Variants in IGFN1 observed in about 807,000 individuals in gnomAD.
IGFN1 encodes immunoglobulin like and fibronectin type III domain containing 1, also known as immunoglobulin-like and fibronectin type III domain-containing protein 1.
Under a neutral mutation model 289.5 loss-of-function variants are expected in IGFN1, and 253 were observed. That is an observed-to-expected ratio of 0.87 (90% CI 0.79 to 0.97). The LOEUF is 0.97. Ranked by LOEUF, IGFN1 falls within the 50% of genes least tolerant of loss-of-function variation. IGFN1 has a pLI of 0.00. For missense variants in IGFN1, 4,470 were observed against 4,686.1 expected, an observed-to-expected ratio of 0.95 and a Z score of 1.35; for synonymous variants, 1,706 against 1,788.5, an observed-to-expected ratio of 0.95 and a Z score of 1.16.
At chr1:201,193,327 C>G in intron 2 of IGFN1, 27 bp downstream of exon 2, 1 of 1,528,796 alleles carries the variant, frequency 6.5e-7, no homozygotes, top group African/African-American at 1.4e-5. Context: ...TCTCCCCTCC[C>G]CAGCCCTCCC....
At chr1:201,224,629 T>C (rs905220055) in intron 20 of IGFN1, 50 bp from the exon 21 acceptor site, 2 of 1,542,832 alleles carry the variant, frequency 1.3e-6, no homozygotes, top group Non-Finnish European at 1.8e-6. Context: ...ATCACCTCCA[T>C]GAAACTGCCA....
At position 201,227,496 on chromosome 1, in the gene IGFN1, C is replaced by T. The variant is rs368467007; in HGVS notation, c.11113+288C>T. ...AGGTTGGAGTGCAATGGCATGATCTCGGCTCACTGCAGCCTCCACCTCCTG... is the reference window on the plus strand; with the variant it reads ...AGGTTGGAGTGCAATGGCATGATCTTGGCTCACTGCAGCCTCCACCTCCTG... On this transcript the variant is annotated intron_variant, in intron 23 of 23. Transcript: ENST00000335211. Among the ~76,000 whole-genome samples the T allele has an allele frequency of 4.6e-5, 7 of 151,284 alleles. No individual in the cohort carries two copies. The East Asian group carries it at 7.8e-4, about 17-fold the overall frequency.
rs1376030824 is a variant in IGFN1 at position 201,212,958 on chromosome 1, C to G, written c.8065C>G (p.Pro2689Ala). 1 of 1,551,396 alleles carries G rather than the reference C, an allele frequency of 6.4e-7. No homozygotes were observed. The change falls in exon 12 of 24, where the codon CCA becomes GCA. Residue 2689 changes from proline to alanine, a missense_variant. Pro to Ala is a conservative substitution (Grantham distance 27). Around this residue, in one of 8 missense-constraint regions of IGFN1, gnomAD observed 2,218 missense variants for 2,114.1 expected, o/e 1.05. Transcript: ENST00000335211. ...GQEAAGGCRS[P>A]WSLDSKGSSP... ...AGAGGCGGCTGGTGGATGCCGAAGC[C>G]CATGGTCCCTGGATAGCAAAGGTTC...
intron 1 of IGFN1, 38 bp from the exon 2 acceptor site, chr1:201,193,209 C>T: frequency 1.9e-6 from 2 of 1,031,506 alleles, no homozygotes; most frequent in Middle Eastern, 2.5e-4. Context: ...GTGAGACCAG[C>T]CTGGATTTCT....
At position 201,211,296 on chromosome 1, in the gene IGFN1, G is replaced by C; in HGVS notation, c.6403G>C (p.Gly2135Arg). ...RDGLGSSTEM[G>R]SVNEAGYRKD... ...TGGTTTAGGGAGTTCTACAGAAATG[G>C]GGTCAGTGAATGAGGCAGGTTATAG... The change falls in exon 12 of 24, where the codon GGG (glycine) becomes CGG (arginine). Residue 2135 changes from glycine to arginine, a missense_variant. Around this residue, in one of 8 missense-constraint regions of IGFN1, gnomAD observed 2,218 missense variants for 2,114.1 expected, o/e 1.05. Transcript: ENST00000335211. 1 of 1,530,886 alleles carries C rather than the reference G, an allele frequency of 6.5e-7. No homozygotes were observed. Among genetic ancestry groups the C allele is most frequent in the Non-Finnish European group, 8.7e-7 (1 of 1,143,496 alleles). 94.8% of individuals were successfully genotyped at this position (1,530,886 alleles called of 1,614,324 possible). A position where few individuals can be genotyped will look rare whatever the true frequency, so the allele number is the denominator to read the frequency against.
Position 201,209,765 on chromosome 1 carries a change from A to G in IGFN1, c.4872A>G (p.Leu1624=). The G allele has an allele frequency of 8.0e-7, 1 of 1,253,680 alleles. No homozygotes were observed. The highest frequency in any genetic ancestry group is 1.1e-6 in the Non-Finnish European group (1 of 912,206). 77.7% of individuals were successfully genotyped at this position (1,253,680 alleles called of 1,614,324 possible). The change falls in exon 12 of 24, where the codon TTA becomes TTG. Residue 1624 remains leucine (L), a synonymous_variant. Coordinates refer to ENST00000335211, the MANE Select transcript of IGFN1 (RefSeq NM_001164586.2). ...SGSKAGFRDG[L]GGSEEMGSVN... is the part of the protein sequence containing the mutation. ...GTAAGGCAGGTTTTAGGGATGGTTT[A>G]GGGGGTTCTGAAGAAATGGGGTCAG...
rs1261373273 is a variant in IGFN1, at chr1:201,224,698, T to C, written c.10310T>C (p.Val3437Ala). ...VSFEAMPMPE[V>A]TWLKDGLPLP... Reference sequence around the variant, plus strand: ...TCTCAGGCCATGCCCATGCCTGAGGTGACCTGGCTGAAGGATGGCTTGCCC... The same window carrying C: ...TCTCAGGCCATGCCCATGCCTGAGGCGACCTGGCTGAAGGATGGCTTGCCC... The change falls in exon 21 of 24, where the codon GTG becomes GCG. Residue 3437 changes from valine (V) to alanine (A), a missense_variant. By Grantham distance (64) the Val-to-Ala change is moderately conservative. This residue lies in a region of IGFN1 where 2,218 missense variants were observed against 2,114.1 expected (regional missense o/e 1.05). Transcript: ENST00000335211. The C allele has an allele frequency of 6.2e-7, 1 of 1,614,132 alleles. No individual in the cohort carries two copies. The highest frequency in any genetic ancestry group is 1.7e-5 in the Admixed American group (1 of 60,022).
chr1:201,220,185 TC>T (rs1558158156), intron 18 of IGFN1, among the ~76,000 whole-genome samples: 1 of 1,728 alleles, frequency 5.8e-4, no homozygotes, highest in South Asian at 0.014. Flanking sequence ...CCTTTCTTTC[TC>T]TCTCTCTCTC....
intron 5 of IGFN1, among the ~76,000 whole-genome samples, chr1:201,197,596 A>G (rs988213513): frequency 2.6e-5 from 4 of 152,186 alleles, no homozygotes; most frequent in African/African-American, 9.7e-5. Flanking sequence ...CTAGTCCTAG[A>G]GCTTCTGCTA....
At chr1:201,218,195 AGAT>A (rs1434682743) in intron 17 of IGFN1, among the ~76,000 whole-genome samples, 3 of 152,236 alleles carry the variant, frequency 2.0e-5, no homozygotes, top group African/African-American at 7.2e-5. Context: ...AGAAAGAGAG[AGAT>A]GAACATTCTC....
Position 201,211,643 on chromosome 1 carries a change from T to C in IGFN1, c.6750T>C (p.Tyr2250=). The change falls in exon 12 of 24, where the codon TAT becomes TAC. Residue 2250 remains tyrosine, a synonymous_variant. Coordinates refer to ENST00000335211, the MANE Select transcript of IGFN1 (RefSeq NM_001164586.2). ...TGGGGTCAATGGATGAGGCAGATTA[T>C]AGGAAGGATTTGGGAGCTCCTGAGG... is the stretch of plus-strand genomic sequence containing the variant. ...GEMGSMDEAD[Y]RKDLGAPEEM... is the part of the protein sequence containing the mutation. The C allele has an allele frequency of 1.0e-5, 16 of 1,536,964 alleles. No homozygotes were observed. Among genetic ancestry groups the C allele is most frequent in the Non-Finnish European group, 1.4e-5 (16 of 1,146,794 alleles).
chr1:201,201,965 A>G (rs1259140716), intron 9 of IGFN1, 133 bp downstream of exon 9: 11 of 621,552 alleles, frequency 1.8e-5, no homozygotes, highest in African/African-American at 5.5e-5. Context: ...CCCTCATCCC[A>G]TGGAGTTCCT....
rs1168508394 is a variant in IGFN1 at position 201,206,363 on chromosome 1, G to C, written c.1470G>C (p.Glu490Asp). ...DSAWGPGQEG[E>D]GFPVAEGSRA... ...CCTGGGGCCCTGGACAGGAGGGCGAGGGCTTTCCAGTAGCAGAGGGAAGCA... is the reference window on the plus strand; with the variant it reads ...CCTGGGGCCCTGGACAGGAGGGCGACGGCTTTCCAGTAGCAGAGGGAAGCA... The change falls in exon 12 of 24, where the codon GAG becomes GAC. Residue 490 changes from glutamate (E) to aspartate (D), a missense_variant. Glu to Asp is a conservative substitution (Grantham distance 45). Coordinates refer to ENST00000335211, the MANE Select transcript of IGFN1 (RefSeq NM_001164586.2). 1 of 1,550,416 alleles carries C rather than the reference G, an allele frequency of 6.4e-7. No individual in the cohort carries two copies. Among genetic ancestry groups the C allele is most frequent in the Non-Finnish European group, 8.7e-7 (1 of 1,147,002 alleles).
Position 201,212,806 on chromosome 1 carries a change from G to T in IGFN1, c.7913G>T (p.Ser2638Ile). Residue 2638 changes from serine to isoleucine, a missense_variant, in exon 12 of 24, where the codon AGC becomes ATC. By Grantham distance (142) the Ser-to-Ile change is moderately radical. This residue lies in a region of IGFN1 where 2,218 missense variants were observed against 2,114.1 expected (regional missense o/e 1.05). Coordinates refer to ENST00000335211, the MANE Select transcript of IGFN1 (RefSeq NM_001164586.2). Reference sequence around the variant, plus strand: ...GAAAACCAGGGGTTTAGCCAAGGCAGCATAGATGCTGGGAAGCAGCCCGCA... The same window carrying T: ...GAAAACCAGGGGTTTAGCCAAGGCATCATAGATGCTGGGAAGCAGCCCGCA... ...DWENQGFSQG[S>I]IDAGKQPAGS... The T allele has an allele frequency of 1.3e-6, 2 of 1,551,494 alleles. No individual in the cohort carries two copies. The highest frequency in any genetic ancestry group is 2.4e-5 in the South Asian group (2 of 84,066).
In IGFN1 at chr1:201,225,885, C is replaced by T. The variant is rs142777301; in HGVS notation, c.10548C>T (p.Ala3516=). 286 of 1,612,778 alleles carry T rather than the reference C, an allele frequency of 1.8e-4. No individual in the cohort carries two copies. Among genetic ancestry groups the T allele is most frequent in the Non-Finnish European group, 2.3e-4 (274 of 1,179,646 alleles). ...AGAACGTGCCTGGGACGGTGACGGCCGAGTGGGAACCCTCTCCTGACGAGG... is the reference window on the plus strand; with the variant it reads ...AGAACGTGCCTGGGACGGTGACGGCTGAGTGGGAACCCTCTCCTGACGAGG... ...LQENVPGTVT[A]EWEPSPDEAQ... is the part of the protein sequence containing the mutation. The change falls in exon 22 of 24, where the codon GCC becomes GCT. Residue 3516 remains alanine (A), a synonymous_variant. Coordinates refer to ENST00000335211, the MANE Select transcript of IGFN1 (RefSeq NM_001164586.2).
rs967609153 is a variant in IGFN1, at chr1:201,215,241, A to C, written c.8995+87A>C. On this transcript the variant is annotated intron_variant, in intron 14 of 23. Transcript: ENST00000335211. ...ATATGCCTTGCTTTAAAACACCTGAATTTGTGGCTAGTCTGCAGCCAGTAT... is the reference window on the plus strand; with the variant it reads ...ATATGCCTTGCTTTAAAACACCTGACTTTGTGGCTAGTCTGCAGCCAGTAT... The C allele has an allele frequency of 1.9e-5, 26 of 1,392,140 alleles. No individual in the cohort carries two copies. In the African/African-American group the frequency reaches 3.5e-4, roughly 19 times the overall value. 86.2% of individuals were successfully genotyped at this position (1,392,140 alleles called of 1,614,324 possible). A position where few individuals can be genotyped will look rare whatever the true frequency, so the allele number is the denominator to read the frequency against.
chr1:201,204,352 A>G (rs1667302549), intron 10 of IGFN1, among the ~76,000 whole-genome samples: 1 of 152,126 alleles, frequency 6.6e-6, no homozygotes, highest in Admixed American at 6.5e-5. Context: ...TTCCCCATCT[A>G]GGAACTGACA....
In IGFN1 at chr1:201,221,588, G is replaced by A. The variant is rs1653729953; in HGVS notation, c.10043G>A (p.Trp3348Ter). 1 of 1,614,078 alleles carries A rather than the reference G, an allele frequency of 6.2e-7. No homozygotes were observed. The highest frequency in any genetic ancestry group is 1.1e-5 in the South Asian group (1 of 91,092). ...CTGTGCAGCTCAGACAGTCTCCAGT[G>A]GCTCCCGTGCCATGTGGGCACCGTG... ...VELCSSDSLQ[W>*]LPCHVGTVPV... is the part of the protein sequence containing the mutation. Residue 3348 changes from tryptophan (W) to a stop codon, truncating the protein, a stop_gained, in exon 19 of 24, where the codon TGG becomes TAG. Transcript: ENST00000335211. LOFTEE classifies it high-confidence loss of function.
chr1:201,217,080 A>T (rs1653357876), intron 16 of IGFN1, among the ~76,000 whole-genome samples: 1 of 152,078 alleles, frequency 6.6e-6, no homozygotes, highest in Admixed American at 6.5e-5. Flanking sequence ...CTAGGCTCCG[A>T]GGCTGCAGTG....
Sources: gnomAD v4.1 joint callset for allele counts (sites outside exome capture counted in the v4.1 genomes callset) on GRCh38, gnomAD v4.1.1 for gene constraint, gnomAD v4.1.1 regional missense constraint, MANE v1.5 for transcripts, NCBI Gene and HGNC (gene_info 2026-07-23, HGNC 2026-07-21) for gene names.